CTIF: variants seen among roughly 807,000 people sequenced by gnomAD.
CTIF encodes cap binding complex dependent translation initiation factor, also known as CBP80/20-dependent translation initiation factor.
In CTIF, 21 loss-of-function variants were observed where a neutral mutation model predicts 66.0. That is an observed-to-expected ratio of 0.32 (90% CI 0.23 to 0.46). CTIF has a LOEUF of 0.46. CTIF is among the 20% of genes least tolerant of loss of function. The pLI is 1.00. For synonymous variants in CTIF, 345 were observed against 326.4 expected (o/e 1.06, Z -0.62); for missense variants, 739 against 812.7 (o/e 0.91, Z 1.10).
intron 10 of CTIF, among the ~76,000 whole-genome samples, chr18:48,836,484 C>A (rs868432851): frequency 6.6e-6 from 1 of 152,196 alleles, no homozygotes; most frequent in East Asian, 1.9e-4. Flanking sequence ...CCTCCAGCTT[C>A]TCACACCTCA....
Position 48,664,319 on chromosome 18 carries a change from C to A in CTIF, c.327-128C>A, listed in dbSNP as rs2091397394. The A allele has an allele frequency of 6.4e-6, 5 of 778,856 alleles. No individual in the cohort carries two copies. The South Asian group carries it at 7.8e-5, about 12-fold the overall frequency. The allele number at this position is 778,856 out of a possible 1,614,324, so 48.2% of individuals were successfully genotyped here. On this transcript the variant is annotated intron_variant, in intron 4 of 11. Coordinates refer to ENST00000256413, the MANE Select transcript of CTIF (RefSeq NM_014772.3). ...CTGGGGCTCCATTCTGAGTGGGGCT[C>A]CCCGCCTGGCCCCTGGCGGCTCCTT...
intron 10 of CTIF, among the ~76,000 whole-genome samples, chr18:48,821,336 C>G (rs2068479823): frequency 2.0e-5 from 3 of 152,240 alleles, no homozygotes; most frequent in Admixed American, 6.5e-5. Flanking sequence ...GTGTTCTTTT[C>G]TCTTTTAACT....
In CTIF at chr18:48,603,495, G is replaced by GGATGGATGGA. The variant is rs1196797964; in HGVS notation, c.-28-16043_-28-16042insGATGGATGGA. Among the ~76,000 whole-genome samples, 69 of 115,546 alleles carry GGATGGATGGA rather than the reference G, an allele frequency of 6.0e-4. 1 individual carries two copies. The highest frequency in any genetic ancestry group is 9.2e-4 in the African/African-American group (25 of 27,208). 75.8% of individuals were successfully genotyped at this position (115,546 alleles called of 152,430 possible). A position where few individuals can be genotyped will look rare whatever the true frequency, so the allele number is the denominator to read the frequency against. On this transcript the variant is annotated intron_variant, in intron 1 of 11. Transcript: ENST00000256413. The stretch of plus-strand genomic sequence containing the variant: ...GCTAGATGGGTGGGTGGGTGGGTGG[G>GGATGGATGGA]TGGGTGGATGGATGGATGGATGGAT...
intron 9 of CTIF, among the ~76,000 whole-genome samples, chr18:48,773,049 G>A (rs923162097): frequency 9.2e-5 from 14 of 152,190 alleles, no homozygotes; most frequent in African/African-American, 1.4e-4. Context: ...AAGGGGGACC[G>A]ACTAAGAGGC....
At chr18:48,592,286 C>G (rs2089901825) in intron 1 of CTIF, among the ~76,000 whole-genome samples, 1 of 152,018 alleles carries the variant, frequency 6.6e-6, no homozygotes, top group African/African-American at 2.4e-5. Flanking sequence ...GGCGGATCAA[C>G]TGAGGTTGGG....
intron 2 of CTIF, among the ~76,000 whole-genome samples, chr18:48,620,029 C>T (rs536066710): frequency 1.3e-5 from 2 of 152,334 alleles, no homozygotes; most frequent in Admixed American, 1.3e-4. Flanking sequence ...CTCTTGAGTA[C>T]TGACTATGTG....
intron 1 of CTIF, among the ~76,000 whole-genome samples, chr18:48,611,675 C>A (rs1156808856): frequency 6.6e-6 from 1 of 152,232 alleles, no homozygotes; most frequent in Non-Finnish European, 1.5e-5. Flanking sequence ...TAACAAGATG[C>A]CCTGTGATTG....
intron 6 of CTIF, among the ~76,000 whole-genome samples, chr18:48,701,121 T>C (rs1177730981): frequency 6.6e-6 from 1 of 152,140 alleles, no homozygotes; most frequent in Non-Finnish European, 1.5e-5. Context: ...GACACACCAC[T>C]TCATGAGGGG....
At chr18:48,570,559 T>A (rs547141179) in intron 1 of CTIF, among the ~76,000 whole-genome samples, 19 of 151,820 alleles carry the variant, frequency 1.3e-4, no homozygotes, top group Non-Finnish European at 2.2e-4. Context: ...AAAAAGAGAA[T>A]CACAGGGCAC....
chr18:48,629,035 G>T (rs2090653227), intron 2 of CTIF, among the ~76,000 whole-genome samples: 1 of 152,198 alleles, frequency 6.6e-6, no homozygotes. Flanking sequence ...GCAGGATTCT[G>T]ACTGGGGTCT....
At chr18:48,670,606 C>A in intron 5 of CTIF, 63 bp from the exon 6 acceptor site, 1 of 1,446,688 alleles carries the variant, frequency 6.9e-7, no homozygotes, top group Non-Finnish European at 9.7e-7. Flanking sequence ...TCCTGCTGGC[C>A]GGATGGGACA....
intron 3 of CTIF, among the ~76,000 whole-genome samples, chr18:48,640,861 C>G (rs900737641): frequency 5.3e-5 from 8 of 152,206 alleles, no homozygotes; most frequent in African/African-American, 9.7e-5. Flanking sequence ...GAAAACCTTG[C>G]TTTTTCTGAA....
At chr18:48,816,082 G>C in intron 9 of CTIF, among the ~76,000 whole-genome samples, 1 of 152,196 alleles carries the variant, frequency 6.6e-6, no homozygotes, top group East Asian at 1.9e-4. Context: ...TGTGTGTGCA[G>C]GTTGGTTGGG....
At chr18:48,705,770 T>G (rs2092144591) in intron 6 of CTIF, among the ~76,000 whole-genome samples, 1 of 152,214 alleles carries the variant, frequency 6.6e-6, no homozygotes, top group East Asian at 1.9e-4. Flanking sequence ...TGCCCTCTTC[T>G]CCTCTCTTGT....
At chr18:48,835,948 T>C (rs537976376) in intron 10 of CTIF, among the ~76,000 whole-genome samples, 1 of 152,290 alleles carries the variant, frequency 6.6e-6, no homozygotes, top group South Asian at 2.1e-4. Flanking sequence ...AGCTCCCTGT[T>C]TGCATTTGTC....
intron 7 of CTIF, among the ~76,000 whole-genome samples, chr18:48,735,447 T>C (rs1453761651): frequency 6.6e-6 from 1 of 152,048 alleles, no homozygotes; most frequent in Non-Finnish European, 1.5e-5. Flanking sequence ...AGGCAGCAAG[T>C]CCAAGAGAGC....
At chr18:48,637,012 G>A (rs570327811) in intron 3 of CTIF, among the ~76,000 whole-genome samples, 2 of 152,298 alleles carry the variant, frequency 1.3e-5, no homozygotes, top group South Asian at 2.1e-4. Context: ...AATATTACAC[G>A]GCTCTCAAAT....
chr18:48,641,077 A>G (rs1036295386), intron 3 of CTIF, among the ~76,000 whole-genome samples: 8 of 152,164 alleles, frequency 5.3e-5, no homozygotes, highest in Non-Finnish European at 1.0e-4. Flanking sequence ...CCCATCACCT[A>G]GTCATTTAGT....
At chr18:48,767,497 G>A (rs528258468) in intron 9 of CTIF, among the ~76,000 whole-genome samples, 3 of 152,140 alleles carry the variant, frequency 2.0e-5, no homozygotes, top group African/African-American at 4.8e-5. Context: ...GTCTGCATCC[G>A]AGCTATGCAG....
Sources: gnomAD v4.1 joint callset for allele counts (sites outside exome capture counted in the v4.1 genomes callset) on GRCh38, gnomAD v4.1.1 for gene constraint, MANE v1.5 for transcripts, NCBI Gene and HGNC (gene_info 2026-07-23, HGNC 2026-07-21) for gene names.